The following NF1 variants were observed in gnomAD, a reference collection of about 807,000 sequenced individuals.
The protein encoded by NF1 is neurofibromin.
Under a neutral mutation model 325.7 loss-of-function variants are expected in NF1, and 122 were observed. The observed-to-expected ratio is 0.37, with a 90% CI of 0.32 to 0.44. The LOEUF (loss-of-function observed/expected upper bound fraction) is 0.44. Ranked by LOEUF, NF1 falls within the 20% of genes least tolerant of loss-of-function variation. The pLI, the probability that NF1 is intolerant of heterozygous loss-of-function variation, is 1.00. For synonymous variants in NF1, 1,091 were observed against 1,186.0 expected, an observed-to-expected ratio of 0.92 and a Z score of 1.65; for missense variants, 2,140 against 3,415.4, an observed-to-expected ratio of 0.63 and a Z score of 9.31.
chr17:31,275,000 T>G (rs773984594), intron 36 of NF1, among the ~76,000 whole-genome samples: 11 of 152,186 alleles, frequency 7.2e-5, no homozygotes, highest in Non-Finnish European at 1.6e-4. Context: ...GGATTTCTCA[T>G]TATCTTCTCT....
At chr17:31,149,122 T>G (rs1360774815) in intron 1 of NF1, among the ~76,000 whole-genome samples, 1 of 152,142 alleles carries the variant, frequency 6.6e-6, no homozygotes, top group Non-Finnish European at 1.5e-5. Flanking sequence ...TTTTTTTAAC[T>G]TAAGATGTGT....
chr17:31,202,105 C>T (rs1407378034), intron 11 of NF1, among the ~76,000 whole-genome samples: 1 of 152,178 alleles, frequency 6.6e-6, no homozygotes, highest in Non-Finnish European at 1.5e-5. Context: ...ACCTTCAACT[C>T]TGTCTGATGT....
chr17:31,205,763 A>T (rs1041306973), intron 11 of NF1, among the ~76,000 whole-genome samples: 1 of 152,272 alleles, frequency 6.6e-6, no homozygotes, highest in African/African-American at 2.4e-5. Flanking sequence ...CTGTAAACAT[A>T]TAAGTAATGG....
chr17:31,201,163 A>G lies in NF1; in HGVS notation c.1185+4A>G. On this transcript the variant is annotated splice_donor_region_variant and intron_variant, in intron 10 of 57. Coordinates refer to ENST00000358273, the MANE Select transcript of NF1 (RefSeq NM_001042492.3). ...TCACAACAACCAACACTTTAAGGTGAGAGCATTGGTTTTTATCTAACTATA... is the reference window on the plus strand; with the variant it reads ...TCACAACAACCAACACTTTAAGGTGGGAGCATTGGTTTTTATCTAACTATA... 6.2e-7 allele frequency: 1 copy of G among 1,614,088 alleles called. No homozygotes were observed. The highest frequency in any genetic ancestry group is 8.5e-7 in the Non-Finnish European group (1 of 1,179,984).
chr17:31,179,626 C>A (rs2066088184), intron 5 of NF1, among the ~76,000 whole-genome samples: 1 of 151,786 alleles, frequency 6.6e-6, no homozygotes, highest in African/African-American at 2.4e-5. Flanking sequence ...ACTAAAAATA[C>A]AAAAAAATTA....
At chr17:31,147,640 G>T (rs1392395377) in intron 1 of NF1, among the ~76,000 whole-genome samples, 2 of 152,090 alleles carry the variant, frequency 1.3e-5, no homozygotes, top group Non-Finnish European at 2.9e-5. Context: ...TGAGTTACAT[G>T]CCTACTAGTA....
intron 28 of NF1, 57 bp from the exon 29 acceptor site, chr17:31,235,861 T>G: frequency 6.2e-7 from 1 of 1,610,458 alleles, no homozygotes; most frequent in Non-Finnish European, 8.5e-7. Context: ...ATTGTCTTCT[T>G]TTAAGGTAAA....
intron 39 of NF1, among the ~76,000 whole-genome samples, chr17:31,332,184 G>A (rs576975353): frequency 2.0e-5 from 3 of 151,992 alleles, no homozygotes; most frequent in Admixed American, 2.0e-4. Context: ...ATCCTTAATC[G>A]GCCAGACGCG....
In NF1 at chr17:31,337,519, G is replaced by A. The variant is rs2069707445; in HGVS notation, c.6579G>A (p.Glu2193=). The A allele has an allele frequency of 6.2e-7, 1 of 1,614,106 alleles. No individual in the cohort carries two copies. Among genetic ancestry groups the A allele is most frequent in the Non-Finnish European group, 8.5e-7 (1 of 1,179,980 alleles). ...GGTCATTCTCTCCTGGCTCCTATGA[G>A]AGAGAGACTTTTGCTTTGACATCCT... ...RDRSFSPGSY[E]RETFALTSLE... is the part of the protein sequence containing the mutation. The change falls in exon 43 of 58, where the codon GAG becomes GAA. Residue 2193 remains glutamate, a synonymous_variant. Coordinates refer to ENST00000358273, the MANE Select transcript of NF1 (RefSeq NM_001042492.3).
intron 26 of NF1, 49 bp from the exon 27 acceptor site, chr17:31,232,953 A>G (rs2151435092): frequency 6.2e-7 from 1 of 1,613,114 alleles, no homozygotes; most frequent in Non-Finnish European, 8.5e-7. Flanking sequence ...AGCAAAAATT[A>G]CTTCAGCAAG....
intron 36 of NF1, among the ~76,000 whole-genome samples, chr17:31,275,274 C>G (rs540205561): frequency 6.6e-6 from 1 of 152,182 alleles, no homozygotes; most frequent in East Asian, 1.9e-4. Context: ...ATGGAAAATT[C>G]CAGAAATAAA....
chr17:31,330,801 G>T, intron 39 of NF1: 1 of 285,170 alleles, frequency 3.5e-6, no homozygotes, highest in Non-Finnish European at 6.6e-6. Flanking sequence ...ATTAGCTTCA[G>T]CATTTCTCTT....
chr17:31,238,732 TA>T (rs796369919), intron 29 of NF1, among the ~76,000 whole-genome samples: 601 of 120,832 alleles, frequency 5.0e-3, no homozygotes, highest in East Asian at 0.021. Context: ...AGACTCTGTC[TA>T]AAAAAAAAAA....
At chr17:31,263,403 G>A (rs955932115) in intron 35 of NF1, among the ~76,000 whole-genome samples, 2 of 151,430 alleles carry the variant, frequency 1.3e-5, no homozygotes, top group Admixed American at 6.6e-5. Flanking sequence ...TTCCAGCCTA[G>A]GTGACAGAAT....
At chr17:31,100,749 A>G (rs1041896155) in intron 1 of NF1, among the ~76,000 whole-genome samples, 14 of 152,010 alleles carry the variant, frequency 9.2e-5, no homozygotes, top group African/African-American at 3.1e-4. Context: ...TTGTATTTTT[A>G]GTAGAGACAG....
At chr17:31,116,486 C>T (rs1012103311) in intron 1 of NF1, among the ~76,000 whole-genome samples, 1 of 152,004 alleles carries the variant, frequency 6.6e-6, no homozygotes, top group Non-Finnish European at 1.5e-5. Context: ...CCTGTCTAAC[C>T]TACCTGCTTA....
intron 36 of NF1, among the ~76,000 whole-genome samples, chr17:31,276,458 C>T (rs963525605): frequency 6.6e-6 from 1 of 152,106 alleles, no homozygotes; most frequent in African/African-American, 2.4e-5. Context: ...GATCATAATG[C>T]ACATTCATAA....
intron 36 of NF1, among the ~76,000 whole-genome samples, chr17:31,282,888 TGA>T (rs1200477015): frequency 6.6e-6 from 1 of 152,202 alleles, no homozygotes; most frequent in Non-Finnish European, 1.5e-5. Context: ...CAGCAGTGAA[TGA>T]GAGTTTGAAT....
intron 8 of NF1, among the ~76,000 whole-genome samples, chr17:31,189,798 G>A (rs997697315): frequency 6.0e-5 from 5 of 83,926 alleles, no homozygotes; most frequent in Non-Finnish European, 9.2e-5. Context: ...TTTCACTCTT[G>A]TTGCCCAGGC....
Sources: gnomAD v4.1 joint callset for allele counts (sites outside exome capture counted in the v4.1 genomes callset) on GRCh38, gnomAD v4.1.1 for gene constraint, MANE v1.5 for transcripts, NCBI Gene and HGNC (gene_info 2026-07-23, HGNC 2026-07-21) for gene names.